Variants in DCBLD1 observed in about 807,000 individuals in gnomAD.
DCBLD1 encodes the protein discoidin, CUB and LCCL domain containing 1, also known as discoidin, CUB and LCCL domain-containing protein 1.
In DCBLD1, 57 loss-of-function variants were observed where a neutral mutation model predicts 71.5. The observed-to-expected ratio is 0.80, with a 90% CI of 0.64 to 0.99. The LOEUF (loss-of-function observed/expected upper bound fraction) is 0.99. Among genes scored for constraint, DCBLD1 ranks in the 50% least tolerant of loss-of-function variants. The probability of loss-of-function intolerance (pLI) is 0.00; values close to 1 mark genes in which losing one functional copy is unlikely to be tolerated. For missense variants in DCBLD1, 891 were observed against 923.5 expected (o/e 0.96, Z 0.46); for synonymous variants, 380 against 363.8 (o/e 1.04, Z -0.51).
At chr6:117,505,109 T>C (rs9374664) in intron 2 of DCBLD1, among the ~76,000 whole-genome samples, 1,652 of 152,344 alleles carry the variant, frequency 0.011, 31 homozygotes, top group East Asian at 0.074. Flanking sequence ...GATTGTTTTT[T>C]AATCCCTAGG....
intron 1 of DCBLD1, among the ~76,000 whole-genome samples, chr6:117,486,406 A>T (rs1777086570): frequency 6.6e-6 from 1 of 152,238 alleles, no homozygotes; most frequent in Non-Finnish European, 1.5e-5. Flanking sequence ...ACAAATCAAT[A>T]AATGTTAGCT....
chr6:117,527,973 A>T (rs563075427), intron 5 of DCBLD1, among the ~76,000 whole-genome samples: 1 of 152,168 alleles, frequency 6.6e-6, no homozygotes, highest in Non-Finnish European at 1.5e-5. Flanking sequence ...CCTTCTCCCC[A>T]GCCTGCTAAC....
rs1182052196 is a variant in DCBLD1 at position 117,532,354 on chromosome 6, G to A, written c.680G>A (p.Arg227Gln). The A allele has an allele frequency of 3.7e-6, 6 of 1,612,692 alleles. No homozygotes were observed. The highest frequency in any genetic ancestry group is 2.2e-5 in the East Asian group (1 of 44,878). Residue 227 changes from arginine to glutamine, a missense_variant, in exon 6 of 15, where the codon CGA (arginine) becomes CAA (glutamine). Transcript: ENST00000338728. ...GTGCTTCAGCGCAAAGGGATCAGTC[G>A]ATATGAAGGGATTCTGGCCAATGGT... ...ISVLQRKGIS[R>Q]YEGILANGVL... is the part of the protein sequence containing the mutation.
intron 5 of DCBLD1, among the ~76,000 whole-genome samples, 199 bp from the exon 6 acceptor site, chr6:117,532,061 C>T (rs1247848154): frequency 6.6e-6 from 1 of 152,162 alleles, no homozygotes; most frequent in Non-Finnish European, 1.5e-5. Context: ...TTAGCTAGGC[C>T]CTGTTATCTG....
rs116292138 is a variant in DCBLD1, at chr6:117,490,303, T to C, written c.112+7410T>C. Among the ~76,000 whole-genome samples, 1,070 of 152,264 alleles carry C rather than the reference T, an allele frequency of 7.0e-3. 9 individuals are homozygous for C. The highest frequency in any genetic ancestry group is 0.024 in the African/African-American group (1,011 of 41,554). ...CTTTTATATTCTGATTTTTTAAATC[T>C]GTGTTTCATTGAAAGTTTTTTATTA... On this transcript the variant is annotated intron_variant, in intron 1 of 14. Coordinates refer to ENST00000338728, the MANE Select transcript of DCBLD1 (RefSeq NM_001366458.2).
intron 14 of DCBLD1, among the ~76,000 whole-genome samples, chr6:117,566,437 G>A (rs1179033151): frequency 6.6e-6 from 1 of 152,062 alleles, no homozygotes; most frequent in Non-Finnish European, 1.5e-5. Context: ...GATTCTAATA[G>A]CAATCATAAG....
intron 14 of DCBLD1, among the ~76,000 whole-genome samples, chr6:117,556,453 T>TA (rs1779496797): frequency 6.6e-6 from 1 of 152,222 alleles, no homozygotes. Flanking sequence ...AGCTCCCACT[T>TA]ATAAGTGAGA....
rs1474299978 is a variant in DCBLD1 at position 117,482,910 on chromosome 6, C to A, written c.112+17C>A. On this transcript the variant is annotated intron_variant, in intron 1 of 14. Transcript: ENST00000338728. ...AGGAGCTGGGTGAGTGGAGCGCGTC[C>A]GGCTGGCGGCGGGACCCGAGGCGCC... 2 of 1,181,672 alleles carry A rather than the reference C, an allele frequency of 1.7e-6. No individual in the cohort carries two copies. Among genetic ancestry groups the A allele is most frequent in the African/African-American group, 3.3e-5 (2 of 61,230 alleles). 73.2% of individuals were successfully genotyped at this position (1,181,672 alleles called of 1,614,324 possible).
chr6:117,541,216 T>G (rs1340031922), intron 11 of DCBLD1, among the ~76,000 whole-genome samples, 191 bp downstream of exon 11: 1 of 152,178 alleles, frequency 6.6e-6, no homozygotes, highest in African/African-American at 2.4e-5. Context: ...AGAAAAAGAT[T>G]AGGAATGAAC....
intron 2 of DCBLD1, among the ~76,000 whole-genome samples, chr6:117,512,660 C>T (rs1462889664): frequency 6.6e-6 from 1 of 152,130 alleles, no homozygotes; most frequent in Non-Finnish European, 1.5e-5. Flanking sequence ...GTGGCTGTCT[C>T]CACCCACATG....
At chr6:117,518,398 T>A (rs1778276343) in intron 2 of DCBLD1, among the ~76,000 whole-genome samples, 2 of 152,224 alleles carry the variant, frequency 1.3e-5, no homozygotes, top group South Asian at 4.1e-4. Context: ...CACATTTTCC[T>A]GTCTTCTTAG....
At chr6:117,491,658 A>G (rs1280812566) in intron 1 of DCBLD1, among the ~76,000 whole-genome samples, 1 of 152,146 alleles carries the variant, frequency 6.6e-6, no homozygotes, top group Non-Finnish European at 1.5e-5. Flanking sequence ...TATCCTAAAC[A>G]TGTCTTCTAA....
intron 14 of DCBLD1, among the ~76,000 whole-genome samples, chr6:117,557,374 TC>T (rs138345474): frequency 0.022 from 3,317 of 152,328 alleles, 132 homozygotes; most frequent in African/African-American, 0.076. Flanking sequence ...TTAGGTATGT[TC>T]CTTTTAAACA....
In DCBLD1 at chr6:117,485,343, T is replaced by G. The variant is rs201231481; in HGVS notation, c.112+2450T>G. Among the ~76,000 whole-genome samples the G allele has an allele frequency of 1.6e-4, 25 of 152,354 alleles. No individual in the cohort carries two copies. The East Asian group carries it at 4.4e-3, about 27-fold the overall frequency. On this transcript the variant is annotated intron_variant, in intron 1 of 14. Coordinates refer to ENST00000338728, the MANE Select transcript of DCBLD1 (RefSeq NM_001366458.2). ...CTTGATCTCTGAGGAAACTTCCAAG[T>G]GTAGATTCAAATCTTGCATACTTAA...
At chr6:117,511,674 CTAA>C (rs1366734410) in intron 2 of DCBLD1, among the ~76,000 whole-genome samples, 3 of 152,190 alleles carry the variant, frequency 2.0e-5, no homozygotes, top group Non-Finnish European at 4.4e-5. Context: ...GCAATAAGAT[CTAA>C]TAATTACAAC....
intron 11 of DCBLD1, among the ~76,000 whole-genome samples, chr6:117,542,331 T>A (rs138363701): frequency 7.6e-4 from 115 of 152,002 alleles, no homozygotes; most frequent in African/African-American, 2.7e-3. Flanking sequence ...ATAATAACAC[T>A]TCTGTTACTT....
chr6:117,567,110 G>T, intron 14 of DCBLD1: 1 of 1,043,664 alleles, frequency 9.6e-7, no homozygotes, highest in Non-Finnish European at 1.4e-6. Flanking sequence ...ATTCTTTGTG[G>T]GAAGGCTTAG....
chr6:117,543,402 T>G (rs1242432074), intron 12 of DCBLD1, among the ~76,000 whole-genome samples, 191 bp downstream of exon 12: 3 of 152,236 alleles, frequency 2.0e-5, no homozygotes, highest in Non-Finnish European at 4.4e-5. Context: ...TAATCTTTTT[T>G]TATAGACAGG....
intron 14 of DCBLD1, among the ~76,000 whole-genome samples, chr6:117,546,316 G>T (rs1376986500): frequency 6.6e-6 from 1 of 152,156 alleles, no homozygotes; most frequent in Non-Finnish European, 1.5e-5. Context: ...ACTCTGTGGG[G>T]CATGCTCTGA....
Sources: gnomAD v4.1 joint callset for allele counts (sites outside exome capture counted in the v4.1 genomes callset) on GRCh38, gnomAD v4.1.1 for gene constraint, MANE v1.5 for transcripts, NCBI Gene and HGNC (gene_info 2026-07-23, HGNC 2026-07-21) for gene names.